HMCN1: variants seen among roughly 807,000 people sequenced by gnomAD.
HMCN1 encodes hemicentin-1.
A neutral mutation model predicts 625.9 loss-of-function variants in HMCN1; 321 were observed. The ratio of observed to expected loss-of-function variants is 0.51; its 90% CI spans 0.47 to 0.56. HMCN1 has a LOEUF of 0.56. Among genes scored for constraint, HMCN1 ranks in the 20% least tolerant of loss-of-function variants. HMCN1 has a pLI of 0.00. For missense variants in HMCN1, 6,588 were observed against 6,887.3 expected (o/e 0.96, Z 1.54); for synonymous variants, 2,425 against 2,417.6 (o/e 1.00, Z -0.09).
At chr1:185,775,862 A>C (rs904402632) in intron 1 of HMCN1, among the ~76,000 whole-genome samples, 2 of 152,164 alleles carry the variant, frequency 1.3e-5, no homozygotes, top group African/African-American at 2.4e-5. Flanking sequence ...TTGGGCTGGG[A>C]TAGGGAAAGC....
chr1:186,041,119 T>A lies in HMCN1; in HGVS notation c.6287T>A (p.Ile2096Asn), dbSNP rs114669703. The change falls in exon 40 of 107, where the codon ATT becomes AAT. Residue 2096 changes from isoleucine (I) to asparagine (N), a missense_variant. Transcript: ENST00000271588. ...GCTGCTGGAGAAAAGCAAAGGGACA[T>A]TGACCTCCGAGTATATGGTGAGACA... Reference protein sequence around the residue: ...VNAAGEKQRDIDLRVYVPPNI... With the variant: ...VNAAGEKQRDNDLRVYVPPNI... 749 of 1,612,846 alleles carry A rather than the reference T, an allele frequency of 4.6e-4. No individual in the cohort carries two copies. The African/African-American group carries it at 8.4e-3, about 18-fold the overall frequency.
intron 4 of HMCN1, among the ~76,000 whole-genome samples, chr1:185,867,093 A>G (rs1663296576): frequency 6.6e-6 from 1 of 152,200 alleles, no homozygotes; most frequent in Non-Finnish European, 1.5e-5. Context: ...GGACATTACA[A>G]ATTTCTAGAG....
At chr1:186,108,391 G>A in intron 70 of HMCN1, 70 bp from the exon 71 acceptor site, 2 of 1,609,450 alleles carry the variant, frequency 1.2e-6, no homozygotes, top group East Asian at 4.5e-5. Flanking sequence ...ATTTCATATA[G>A]CAGAACCAAC....
intron 1 of HMCN1, among the ~76,000 whole-genome samples, chr1:185,831,416 G>T (rs753679864): frequency 1.2e-4 from 18 of 152,252 alleles, no homozygotes; most frequent in Non-Finnish European, 2.5e-4. Flanking sequence ...AAATGTATCT[G>T]TTTCAATCTC....
At chr1:186,127,244 G>T (rs1319124985) in intron 82 of HMCN1, among the ~76,000 whole-genome samples, 2 of 152,064 alleles carry the variant, frequency 1.3e-5, no homozygotes, top group African/African-American at 2.4e-5. Context: ...AGGCATCAGA[G>T]CAAAGAGTTA....
Position 186,081,190 on chromosome 1 carries a change from T to C in HMCN1, c.8600-17T>C. On this transcript the variant is annotated splice_polypyrimidine_tract_variant and intron_variant, in intron 55 of 106. Transcript: ENST00000271588. ...ACTGTTGCCCATTTTTCTCCCTTTG[T>C]TGCAATCCTTTGTTAGTGCCGCCAA... 6.2e-7 allele frequency: 1 copy of C among 1,607,798 alleles called. No individual in the cohort carries two copies. Among genetic ancestry groups the C allele is most frequent in the Non-Finnish European group, 8.5e-7 (1 of 1,174,348 alleles).
intron 70 of HMCN1, 124 bp from the exon 71 acceptor site, chr1:186,108,337 G>C: frequency 6.9e-7 from 1 of 1,448,330 alleles, no homozygotes; most frequent in Non-Finnish European, 9.5e-7. Context: ...AATTATCTAG[G>C]CTATAAATTA....
At chr1:185,813,958 TA>T (rs960595495) in intron 1 of HMCN1, among the ~76,000 whole-genome samples, 2 of 152,158 alleles carry the variant, frequency 1.3e-5, no homozygotes, top group Non-Finnish European at 2.9e-5. Flanking sequence ...GGAGTTCACT[TA>T]AAGGCAACAG....
chr1:186,109,201 T>C (rs1294551244), intron 71 of HMCN1, among the ~76,000 whole-genome samples: 1 of 152,224 alleles, frequency 6.6e-6, no homozygotes, highest in Non-Finnish European at 1.5e-5. Context: ...TCATTATTTT[T>C]TTCTTCTTCG....
intron 11 of HMCN1, among the ~76,000 whole-genome samples, chr1:185,948,922 G>C (rs1668494513): frequency 6.6e-6 from 1 of 151,814 alleles, no homozygotes. Flanking sequence ...GTGGTAAGGG[G>C]TGATATTGTG....
At chr1:185,924,593 C>G (rs1286492042) in intron 8 of HMCN1, among the ~76,000 whole-genome samples, 2 of 151,988 alleles carry the variant, frequency 1.3e-5, no homozygotes, top group Non-Finnish European at 1.5e-5. Context: ...ATACGATATT[C>G]AAATTTGGCT....
In HMCN1 at chr1:186,081,369, TTCTA is replaced by T. The variant is rs1488075261; in HGVS notation, c.8767_8770del (p.Ser2923MetfsTer8). Reference sequence around the variant, plus strand: ...TTGCTAGAAGATGACCATCATAAATTTCTATCTAATGGACGAATTCTGCAGGTAA... The same window carrying T: ...TTGCTAGAAGATGACCATCATAAATTTCTAATGGACGAATTCTGCAGGTAA... On this transcript the variant is annotated frameshift_variant, in exon 56 of 107. Transcript: ENST00000271588. LOFTEE classifies it high-confidence loss of function. 6.2e-7 allele frequency: 1 copy of T among 1,613,440 alleles called. No homozygotes were observed.
rs769506242 is a variant in HMCN1 at position 186,132,311 on chromosome 1, G to A, written c.13231-17G>A. The A allele has an allele frequency of 2.3e-5, 37 of 1,602,364 alleles. No homozygotes were observed. The highest frequency in any genetic ancestry group is 1.1e-4 in the East Asian group (5 of 44,640). ...TGTAGGCTCATATTTTTGTAAAAAC[G>A]CTGCTTATTTCCATAGAATGAAGAT... On this transcript the variant is annotated splice_polypyrimidine_tract_variant and intron_variant, in intron 85 of 106. Coordinates refer to ENST00000271588, the MANE Select transcript of HMCN1 (RefSeq NM_031935.3).
chr1:185,781,184 C>T (rs915049574), intron 1 of HMCN1, among the ~76,000 whole-genome samples: 2 of 152,134 alleles, frequency 1.3e-5, no homozygotes, highest in African/African-American at 2.4e-5. Flanking sequence ...TCTGTGCAAT[C>T]GGTGGTGATA....
chr1:186,088,577 G>C, intron 62 of HMCN1, 29 bp from the exon 63 acceptor site: 1 of 1,605,860 alleles, frequency 6.2e-7, no homozygotes, highest in Non-Finnish European at 8.5e-7. Context: ...GTTTTTTTAT[G>C]TTTTATTGTG....
At chr1:185,763,275 G>A (rs570979099) in intron 1 of HMCN1, among the ~76,000 whole-genome samples, 1 of 152,182 alleles carries the variant, frequency 6.6e-6, no homozygotes, top group East Asian at 1.9e-4. Context: ...CAACCACAAG[G>A]TGAACTTAGA....
At chr1:185,794,602 T>C (rs63160663) in intron 1 of HMCN1, among the ~76,000 whole-genome samples, 5 of 57,754 alleles carry the variant, frequency 8.7e-5, no homozygotes, top group Admixed American at 1.4e-4. Flanking sequence ...TCTTTACACA[T>C]TTTTTTTTTT....
intron 52 of HMCN1, among the ~76,000 whole-genome samples, chr1:186,072,263 T>A (rs1319873935): frequency 6.6e-6 from 1 of 152,216 alleles, no homozygotes; most frequent in Non-Finnish European, 1.5e-5. Flanking sequence ...CATTAAAAAC[T>A]GGACAAAGTA....
chr1:186,089,020 T>C (rs78999420), intron 63 of HMCN1, among the ~76,000 whole-genome samples: 146 of 152,136 alleles, frequency 9.6e-4, no homozygotes, highest in Middle Eastern at 3.4e-3. Flanking sequence ...TATCTTTCTA[T>C]AGTATATATC....
Sources: gnomAD v4.1 joint callset for allele counts (sites outside exome capture counted in the v4.1 genomes callset) on GRCh38, gnomAD v4.1.1 for gene constraint, MANE v1.5 for transcripts, NCBI Gene and HGNC (gene_info 2026-07-23, HGNC 2026-07-21) for gene names.